The following VEPH1 variants were observed in gnomAD, a reference collection of about 807,000 sequenced individuals.
VEPH1 encodes ventricular zone-expressed PH domain-containing protein homolog 1.
Under a neutral mutation model 85.2 loss-of-function variants are expected in VEPH1, and 80 were observed. The ratio of observed to expected loss-of-function variants is 0.94; its 90% CI spans 0.78 to 1.13. VEPH1 has a LOEUF of 1.13. VEPH1 is among the 50% of genes most tolerant of loss of function. VEPH1 has a pLI of 0.00. For synonymous variants in VEPH1, 297 were observed against 348.0 expected (o/e 0.85, Z 1.63); for missense variants, 955 against 980.5 (o/e 0.97, Z 0.35).
intron 4 of VEPH1, among the ~76,000 whole-genome samples, chr3:157,444,349 A>G (rs1441768855): frequency 1.3e-5 from 2 of 152,238 alleles, no homozygotes; most frequent in Non-Finnish European, 2.9e-5. Context: ...TCTTCTCAGT[A>G]AAAGGAGGTG....
At chr3:157,323,140 C>T (rs1343684078) in intron 9 of VEPH1, among the ~76,000 whole-genome samples, 2 of 152,180 alleles carry the variant, frequency 1.3e-5, no homozygotes, top group African/African-American at 4.8e-5. Flanking sequence ...CTCTATTCCT[C>T]CTCACCTCCA....
Position 157,438,164 on chromosome 3 carries a change from C to A in VEPH1, c.530-9676G>T, listed in dbSNP as rs6803700. ...AAAAGTATTCCTCAGTCCTAAGGAG[C>A]CCTAAAGAGAGTTGTGGAGGTAACC... On this transcript the variant is annotated intron_variant, in intron 4 of 13. Coordinates refer to ENST00000362010, the MANE Select transcript of VEPH1 (RefSeq NM_001167912.2). Among the ~76,000 whole-genome samples, 1,312 of 152,038 alleles carry A rather than the reference C, an allele frequency of 8.6e-3. 15 individuals carry two copies. The highest frequency in any genetic ancestry group is 0.03 in the African/African-American group (1,253 of 41,472).
intron 2 of VEPH1, among the ~76,000 whole-genome samples, chr3:157,477,326 C>T (rs1387959138): frequency 6.6e-6 from 1 of 151,940 alleles, no homozygotes; most frequent in Non-Finnish European, 1.5e-5. Context: ...CACCTTTGAC[C>T]TTGTTTCCCC....
At chr3:157,342,725 T>G (rs1037651392) in intron 9 of VEPH1, among the ~76,000 whole-genome samples, 3 of 152,212 alleles carry the variant, frequency 2.0e-5, no homozygotes, top group Non-Finnish European at 4.4e-5. Flanking sequence ...AGAATATACA[T>G]TCTTCTCAGA....
intron 8 of VEPH1, 121 bp from the exon 9 acceptor site, chr3:157,363,882 G>T: frequency 8.6e-7 from 1 of 1,167,932 alleles, no homozygotes; most frequent in Non-Finnish European, 1.2e-6. Flanking sequence ...CTATTAACAG[G>T]CCTGATAAAT....
At chr3:157,470,578 C>G in intron 2 of VEPH1, 49 bp from the exon 3 acceptor site, 1 of 1,579,164 alleles carries the variant, frequency 6.3e-7, no homozygotes, top group African/African-American at 1.3e-5. Flanking sequence ...AGAAAGTTAT[C>G]CTTCAAAGGA....
At chr3:157,436,823 A>G in intron 4 of VEPH1, 1 of 1,285,164 alleles carries the variant, frequency 7.8e-7, no homozygotes, top group Non-Finnish European at 1.1e-6. Context: ...CTCAGCATTT[A>G]TTAAGGACTC....
intron 11 of VEPH1, among the ~76,000 whole-genome samples, chr3:157,300,109 A>T (rs1718615361): frequency 6.6e-6 from 1 of 152,186 alleles, no homozygotes; most frequent in Non-Finnish European, 1.5e-5. Context: ...CTTCTTGCAC[A>T]AAAAGAGGTG....
At chr3:157,270,552 T>G (rs921978041) in intron 12 of VEPH1, among the ~76,000 whole-genome samples, 13 of 152,058 alleles carry the variant, frequency 8.5e-5, no homozygotes, top group African/African-American at 2.9e-4. Context: ...GCTAAAAAAA[T>G]GAATTTTGAA....
chr3:157,385,104 C>T (rs1729147170), intron 6 of VEPH1, among the ~76,000 whole-genome samples: 1 of 151,906 alleles, frequency 6.6e-6, no homozygotes, highest in Non-Finnish European at 1.5e-5. Context: ...ATCATTGCCA[C>T]TTTAACAAGG....
intron 4 of VEPH1, among the ~76,000 whole-genome samples, chr3:157,432,333 T>C (rs1322895539): frequency 6.6e-6 from 1 of 152,124 alleles, no homozygotes; most frequent in African/African-American, 2.4e-5. Flanking sequence ...GTCAACTGTT[T>C]TCATTTTTTT....
intron 6 of VEPH1, among the ~76,000 whole-genome samples, chr3:157,406,759 TA>T (rs1011325389): frequency 1.3e-5 from 2 of 152,064 alleles, no homozygotes; most frequent in East Asian, 1.9e-4. Flanking sequence ...AGATCATTTG[TA>T]AAAAAAATTT....
At chr3:157,442,356 G>T in intron 4 of VEPH1, 1 of 1,556,402 alleles carries the variant, frequency 6.4e-7, no homozygotes. Context: ...TTATTTTCTT[G>T]CTACTCTAGG....
intron 4 of VEPH1, among the ~76,000 whole-genome samples, chr3:157,452,448 G>A (rs557469394): frequency 6.6e-6 from 1 of 152,316 alleles, no homozygotes; most frequent in East Asian, 1.9e-4. Context: ...GCCACAAGGG[G>A]AGAACCTCTA....
At chr3:157,409,909 C>A (rs979017734) in intron 6 of VEPH1, 1 of 985,238 alleles carries the variant, frequency 1.0e-6, no homozygotes, top group Admixed American at 6.2e-5. Flanking sequence ...ATGGAGTTTG[C>A]TGGAAACCAG....
chr3:157,357,452 C>T (rs1725566818), intron 9 of VEPH1, among the ~76,000 whole-genome samples: 1 of 152,002 alleles, frequency 6.6e-6, no homozygotes, highest in Non-Finnish European at 1.5e-5. Flanking sequence ...ACTAGACATG[C>T]AGACAAACAA....
At chr3:157,351,360 C>T (rs558170045) in intron 9 of VEPH1, among the ~76,000 whole-genome samples, 87 of 152,254 alleles carry the variant, frequency 5.7e-4, no homozygotes, top group Admixed American at 2.5e-3. Flanking sequence ...GCAGGAGAAT[C>T]GCTTGAACAT....
At chr3:157,460,378 C>T in intron 3 of VEPH1, 23 bp from the exon 4 acceptor site, 3 of 1,596,288 alleles carry the variant, frequency 1.9e-6, no homozygotes, top group South Asian at 1.1e-5. Context: ...AAGAAAGCCA[C>T]AAATAATAAG....
chr3:157,349,595 C>G lies in VEPH1; in HGVS notation c.1735+13769G>C, dbSNP rs747560889. On this transcript the variant is annotated intron_variant, in intron 9 of 13. Coordinates refer to ENST00000362010, the MANE Select transcript of VEPH1 (RefSeq NM_001167912.2). ...ATTGGAAAGGAGGAAGTCAAATAGT[C>G]CTCTGTGCAGATGACATGATCATAT... Among the ~76,000 whole-genome samples, 3 of 152,212 alleles carry G rather than the reference C, an allele frequency of 2.0e-5. No individual in the cohort carries two copies. In the South Asian group the frequency reaches 6.2e-4, roughly 32 times the overall value.
Sources: allele counts gnomAD v4.1 joint callset (sites outside exome capture counted in the v4.1 genomes callset), GRCh38; gene constraint gnomAD v4.1.1; transcripts MANE v1.5; gene names NCBI Gene and HGNC (gene_info 2026-07-23, HGNC 2026-07-21).